Variants in PIGN observed in about 807,000 individuals in gnomAD.
PIGN encodes the protein GPI ethanolamine phosphate transferase 1.
Under a neutral mutation model 125.4 loss-of-function variants are expected in PIGN, and 117 were observed. The ratio of observed to expected loss-of-function variants is 0.93; its 90% CI spans 0.80 to 1.09. The LOEUF is 1.09. PIGN is among the 50% of genes least tolerant of loss of function. PIGN has a pLI of 0.00. For synonymous variants in PIGN, 392 were observed against 377.8 expected (o/e 1.04, Z -0.44); for missense variants, 1,075 against 1,094.9 (o/e 0.98, Z 0.26).
At chr18:62,054,106 C>A (rs79226816) in intron 30 of PIGN, among the ~76,000 whole-genome samples, 1 of 152,274 alleles carries the variant, frequency 6.6e-6, no homozygotes, top group African/African-American at 2.4e-5. Flanking sequence ...CAAGCGCAGA[C>A]GGGGAAGCAG....
intron 14 of PIGN, among the ~76,000 whole-genome samples, chr18:62,131,654 T>G (rs2147003140): frequency 6.6e-6 from 1 of 152,312 alleles, no homozygotes; most frequent in South Asian, 2.1e-4. Flanking sequence ...AAGAGAAAAT[T>G]TATTTATTTT....
At chr18:62,090,189 T>C (rs190792197) in intron 24 of PIGN, among the ~76,000 whole-genome samples, 110 of 152,284 alleles carry the variant, frequency 7.2e-4, no homozygotes, top group African/African-American at 2.5e-3. Flanking sequence ...ATAAAAAGCA[T>C]TCTTTTCTGT....
intron 23 of PIGN, among the ~76,000 whole-genome samples, chr18:62,022,450 AT>A (rs1346144246): frequency 1.3e-5 from 2 of 152,248 alleles, no homozygotes; most frequent in African/African-American, 4.8e-5. Flanking sequence ...AAACTGGACA[AT>A]AAGGTTAAGC....
chr18:62,082,355 C>T (rs1193895748), intron 28 of PIGN, among the ~76,000 whole-genome samples: 1 of 152,096 alleles, frequency 6.6e-6, no homozygotes, highest in Admixed American at 6.5e-5. Context: ...TTTGTAGGCA[C>T]AGTTATAACA....
chr18:62,086,078 G>A (rs969153534), intron 25 of PIGN, among the ~76,000 whole-genome samples: 1 of 152,182 alleles, frequency 6.6e-6, no homozygotes, highest in Admixed American at 6.5e-5. Context: ...TTATTGTCTA[G>A]TAGATGTCAG....
intron 1 of PIGN, among the ~76,000 whole-genome samples, chr18:62,180,437 T>C (rs1339017708): frequency 6.6e-6 from 1 of 152,164 alleles, no homozygotes; most frequent in African/African-American, 2.4e-5. Flanking sequence ...ACTGGCAAAG[T>C]GTCCATACTA....
intron 28 of PIGN, chr18:62,075,569 G>T (rs1277021126): frequency 1.3e-5 from 2 of 152,074 alleles, no homozygotes; most frequent in Non-Finnish European, 2.9e-5. Flanking sequence ...GATATACAAT[G>T]GTTTACTTAA....
chr18:62,159,683 A>G (rs1293714481), intron 4 of PIGN, among the ~76,000 whole-genome samples: 1 of 152,240 alleles, frequency 6.6e-6, no homozygotes, highest in Non-Finnish European at 1.5e-5. Flanking sequence ...TGAAAATTCA[A>G]CACAGCATTA....
intron 2 of PIGN, among the ~76,000 whole-genome samples, chr18:62,163,294 A>G (rs1446001258): frequency 6.6e-6 from 1 of 152,170 alleles, no homozygotes; most frequent in Non-Finnish European, 1.5e-5. Context: ...GGTACACCTA[A>G]TAATAAACCT....
chr18:62,125,229 T>C lies in PIGN; in HGVS notation c.1173-10590A>G, dbSNP rs28688143. Among the ~76,000 whole-genome samples the C allele has an allele frequency of 6.3e-3, 920 of 146,226 alleles. 18 individuals carry two copies. Among genetic ancestry groups the C allele is most frequent in the East Asian group, 0.033 (160 of 4,896 alleles). On this transcript the variant is annotated intron_variant, in intron 14 of 30. Coordinates refer to ENST00000640252, the MANE Select transcript of PIGN (RefSeq NM_176787.5). ...ATATAAATATACACGTTTGTACATA[T>C]GTGTATATAAATATACACGTTTGTA...
rs117756901 is a variant in PIGN, at chr18:62,080,675, G to A, written c.2576+1998C>T. On this transcript the variant is annotated intron_variant, in intron 28 of 30. Transcript: ENST00000640252. ...GATGGAGGCATGATGAGAAAAACAC[G>A]AGGGTAAAAGCAACAATCTAAGAAT... 2.1e-3 allele frequency among the ~76,000 whole-genome samples: 323 copies of A among 152,268 alleles called. 3 individuals are homozygous for A. Among genetic ancestry groups the A allele is most frequent in the Non-Finnish European group, 2.4e-3 (164 of 68,006 alleles).
intron 30 of PIGN, among the ~76,000 whole-genome samples, chr18:62,057,036 T>A (rs1039860012): frequency 6.6e-6 from 1 of 152,154 alleles, no homozygotes; most frequent in Non-Finnish European, 1.5e-5. Flanking sequence ...GTGGAAAAAC[T>A]GTCTTCCACG....
chr18:62,087,947 T>C (rs1216187501), intron 25 of PIGN, among the ~76,000 whole-genome samples: 1 of 152,160 alleles, frequency 6.6e-6, no homozygotes, highest in African/African-American at 2.4e-5. Flanking sequence ...ATGTACAGCA[T>C]GGTGACTATA....
intron 7 of PIGN, among the ~76,000 whole-genome samples, chr18:62,151,916 T>C (rs1387088085): frequency 1.3e-5 from 2 of 152,078 alleles, no homozygotes; most frequent in East Asian, 3.9e-4. Flanking sequence ...CTATAAAATA[T>C]TTGAAGAGAT....
At chr18:62,038,896 C>G (rs761370437), downstream of PIGN, among the ~76,000 whole-genome samples, 1 of 151,488 alleles carries the variant, frequency 6.6e-6, no homozygotes, top group Non-Finnish European at 1.5e-5. Flanking sequence ...ACAGCTTGCA[C>G]GACACAGTGA....
At chr18:62,047,041 A>T (rs578253292) in intron 30 of PIGN, among the ~76,000 whole-genome samples, 1 of 152,368 alleles carries the variant, frequency 6.6e-6, no homozygotes, top group African/African-American at 2.4e-5. Flanking sequence ...TACCACCACC[A>T]CAAGAGCCTA....
chr18:62,179,945 C>T (rs1017351535), intron 1 of PIGN, among the ~76,000 whole-genome samples: 1 of 152,134 alleles, frequency 6.6e-6, no homozygotes, highest in African/African-American at 2.4e-5. Flanking sequence ...TAAATGATCT[C>T]AAACATTCAA....
intron 14 of PIGN, among the ~76,000 whole-genome samples, chr18:62,134,292 G>A (rs965086964): frequency 7.9e-5 from 12 of 152,292 alleles, no homozygotes; most frequent in African/African-American, 2.9e-4. Flanking sequence ...TCAGGAGACT[G>A]AGGCAGGAGA....
rs771842132 is a variant in PIGN, at chr18:62,099,185, G to T, written c.2077+1890C>A. Among the ~76,000 whole-genome samples the T allele has an allele frequency of 3.3e-5, 5 of 151,908 alleles. No homozygotes were observed. The East Asian group carries it at 9.7e-4, about 29-fold the overall frequency. Reference sequence around the variant, plus strand: ...CATATAAAGCAAAACCTAACTCTACGCAGAATACAGGAACTAATCTTAAAA... The same window carrying T: ...CATATAAAGCAAAACCTAACTCTACTCAGAATACAGGAACTAATCTTAAAA... On this transcript the variant is annotated intron_variant, in intron 22 of 30. Transcript: ENST00000640252.
Sources: allele counts gnomAD v4.1 joint callset (sites outside exome capture counted in the v4.1 genomes callset), GRCh38; gene constraint gnomAD v4.1.1; transcripts MANE v1.5; gene names NCBI Gene and HGNC (gene_info 2026-07-23, HGNC 2026-07-21).